RBM47: variants seen among roughly 807,000 people sequenced by gnomAD.
RBM47 encodes the protein RNA binding motif protein 47.
A neutral mutation model predicts 47.1 loss-of-function variants in RBM47; 21 were observed. That is an observed-to-expected ratio of 0.45 (90% CI 0.32 to 0.64). The LOEUF is 0.64. RBM47 is among the 30% of genes least tolerant of loss of function. The pLI is 0.05. For missense variants in RBM47, 708 were observed against 870.9 expected (o/e 0.81, Z 2.35); for synonymous variants, 375 against 361.7 (o/e 1.04, Z -0.42).
At chr4:40,428,834 C>G (rs1715455105) in intron 6 of RBM47, among the ~76,000 whole-genome samples, 1 of 152,176 alleles carries the variant, frequency 6.6e-6, no homozygotes, top group African/African-American at 2.4e-5. Flanking sequence ...TCTGATCTCC[C>G]AATCCCAATT....
intron 1 of RBM47, among the ~76,000 whole-genome samples, chr4:40,559,224 C>T (rs942632169): frequency 1.3e-5 from 2 of 152,122 alleles, no homozygotes; most frequent in African/African-American, 2.4e-5. Flanking sequence ...GGAAAAGCAG[C>T]CTTTGCCTCT....
intron 3 of RBM47, among the ~76,000 whole-genome samples, chr4:40,446,734 G>A (rs928621813): frequency 3.1e-5 from 2 of 64,074 alleles, no homozygotes; most frequent in Admixed American, 2.4e-4. Context: ...GCAAGACCCA[G>A]TCTCAAAAAA....
intron 2 of RBM47, among the ~76,000 whole-genome samples, chr4:40,533,221 G>A (rs972028305): frequency 2.6e-5 from 4 of 152,186 alleles, no homozygotes; most frequent in African/African-American, 9.7e-5. Flanking sequence ...TTCACCTGAA[G>A]TCAGGAGTTC....
chr4:40,431,465 T>C (rs952309697), intron 6 of RBM47, among the ~76,000 whole-genome samples: 10 of 152,220 alleles, frequency 6.6e-5, no homozygotes, highest in African/African-American at 1.2e-4. Flanking sequence ...GAGACTATCC[T>C]GGCTGACACG....
At chr4:40,487,630 A>C (rs1721281932) in intron 2 of RBM47, among the ~76,000 whole-genome samples, 1 of 152,120 alleles carries the variant, frequency 6.6e-6, no homozygotes. Flanking sequence ...ACAGTCAACT[A>C]GGCACCCCTC....
intron 1 of RBM47, among the ~76,000 whole-genome samples, chr4:40,626,553 G>A (rs540638914): frequency 2.6e-5 from 4 of 152,164 alleles, no homozygotes; most frequent in Admixed American, 1.3e-4. Context: ...TTTCTTGGCC[G>A]TTTATTCCTC....
chr4:40,521,713 T>C (rs1054640654), intron 2 of RBM47, among the ~76,000 whole-genome samples: 2 of 152,178 alleles, frequency 1.3e-5, no homozygotes, highest in Non-Finnish European at 2.9e-5. Flanking sequence ...AGAAAATGAA[T>C]GAAGTGACCC....
Position 40,622,659 on chromosome 4 carries a change from C to A in RBM47, c.-240+6737G>T, listed in dbSNP as rs143888670. On this transcript the variant is annotated intron_variant, in intron 1 of 6. Coordinates refer to ENST00000295971, the MANE Select transcript of RBM47 (RefSeq NM_001098634.2). ...CACTTTAGGAGGCCAAGGTAGGCAGCTCGCTTGAGGCCAGGAGTTCGAGAC... is the reference window on the plus strand; with the variant it reads ...CACTTTAGGAGGCCAAGGTAGGCAGATCGCTTGAGGCCAGGAGTTCGAGAC... Among the ~76,000 whole-genome samples, 1,049 of 152,238 alleles carry A rather than the reference C, an allele frequency of 6.9e-3. 12 individuals carry two copies. The highest frequency in any genetic ancestry group is 0.024 in the African/African-American group (987 of 41,546).
rs1457024793 is a variant in RBM47 at position 40,437,121 on chromosome 4, T to TATATATATAAAATAC, written c.1124-475_1124-474insGTATTTTATATATAT. Among the ~76,000 whole-genome samples the TATATATATAAAATAC allele has an allele frequency of 2.7e-4, 24 of 89,732 alleles. 1 individual carries two copies. Among genetic ancestry groups the TATATATATAAAATAC allele is most frequent in the African/African-American group, 1.3e-3 (24 of 18,926 alleles). The allele number at this position is 89,732 out of a possible 152,430, so 58.9% of individuals were successfully genotyped here. On this transcript the variant is annotated intron_variant, in intron 4 of 6. Transcript: ENST00000295971. ...TATATATATATATATAAAATACATA[T>TATATATATAAAATAC]ATATATATATAAAATACATATATAT...
At chr4:40,617,514 GTGCCAC>G (rs1736860579) in intron 1 of RBM47, among the ~76,000 whole-genome samples, 1 of 151,858 alleles carries the variant, frequency 6.6e-6, no homozygotes. Context: ...AGCCAAGATC[GTGCCAC>G]TGCACTCCAG....
In RBM47 at chr4:40,425,485, GCTC is replaced by G. The variant is rs1419525182; in HGVS notation, c.*416_*418del. 1.1e-3 allele frequency: 177 copies of G among 156,350 alleles called. 2 individuals carry two copies. Among genetic ancestry groups the G allele is most frequent in the Non-Finnish European group, 6.4e-4 (45 of 70,322 alleles). The allele number at this position is 156,350 out of a possible 1,614,324, so 9.7% of individuals were successfully genotyped here. A position where few individuals can be genotyped will look rare whatever the true frequency, so the allele number is the denominator to read the frequency against. On this transcript the variant is annotated 3_prime_UTR_variant, in exon 7 of 7. Coordinates refer to ENST00000295971, the MANE Select transcript of RBM47 (RefSeq NM_001098634.2). ...ATATATTTTTCAAAATAGTTCCCTA[GCTC>G]CTCAAGTGTGCTTTTTTAATATATA...
intron 1 of RBM47, among the ~76,000 whole-genome samples, chr4:40,577,128 G>T (rs1165550378): frequency 6.6e-6 from 1 of 152,204 alleles, no homozygotes; most frequent in African/African-American, 2.4e-5. Context: ...AGGAAACCCT[G>T]AGTGAGTCAA....
chr4:40,610,278 T>C (rs2154279144), intron 1 of RBM47, among the ~76,000 whole-genome samples: 1 of 152,168 alleles, frequency 6.6e-6, no homozygotes, highest in African/African-American at 2.4e-5. Context: ...AAGTACTTCA[T>C]AGTTTTCTTA....
intron 3 of RBM47, among the ~76,000 whole-genome samples, chr4:40,453,943 G>A (rs1328781744): frequency 2.0e-5 from 3 of 151,868 alleles, no homozygotes; most frequent in Non-Finnish European, 2.9e-5. Context: ...TTTTGAACAC[G>A]TATGTGTAAT....
At chr4:40,534,893 C>G (rs1173149494) in intron 2 of RBM47, among the ~76,000 whole-genome samples, 1 of 149,604 alleles carries the variant, frequency 6.7e-6, no homozygotes, top group East Asian at 2.0e-4. Flanking sequence ...CGAGATCGTG[C>G]CAGTGCACTC....
intron 1 of RBM47, among the ~76,000 whole-genome samples, chr4:40,608,725 T>C (rs1036640688): frequency 6.6e-6 from 1 of 152,228 alleles, no homozygotes; most frequent in African/African-American, 2.4e-5. Flanking sequence ...AATATCATTC[T>C]GCTCAAGTTG....
Position 40,573,746 on chromosome 4 carries a change from CAAGA to C in RBM47, c.-239-29244_-239-29241del, listed in dbSNP as rs1267696452. ...AAGGCTCTGTCTAAAAAAAGAAAAG[CAAGA>C]AAGAAAGAGAGAGAGAGAGAAAGAA... On this transcript the variant is annotated intron_variant, in intron 1 of 6. Transcript: ENST00000295971. Among the ~76,000 whole-genome samples the C allele has an allele frequency of 6.5e-5, 4 of 61,742 alleles. No individual in the cohort carries two copies. The East Asian group carries it at 1.2e-3, about 19-fold the overall frequency. 40.5% of individuals were successfully genotyped at this position (61,742 alleles called of 152,430 possible). A position where few individuals can be genotyped will look rare whatever the true frequency, so the allele number is the denominator to read the frequency against.
intron 2 of RBM47, among the ~76,000 whole-genome samples, chr4:40,472,101 A>G (rs1718971056): frequency 1.3e-5 from 2 of 152,192 alleles, no homozygotes; most frequent in African/African-American, 4.8e-5. Context: ...AATGCTAGTC[A>G]TCTTGAGTCA....
chr4:40,520,195 C>A (rs879410874), intron 2 of RBM47, among the ~76,000 whole-genome samples: 12 of 152,114 alleles, frequency 7.9e-5, no homozygotes, highest in Non-Finnish European at 1.8e-4. Context: ...GTGTTCTATA[C>A]GGCACTTGGC....
Sources: allele counts gnomAD v4.1 joint callset (sites outside exome capture counted in the v4.1 genomes callset), GRCh38; gene constraint gnomAD v4.1.1; transcripts MANE v1.5; gene names NCBI Gene and HGNC (gene_info 2026-07-23, HGNC 2026-07-21).